LGSN: variants seen among roughly 807,000 people sequenced by gnomAD.
The protein encoded by LGSN is lengsin, lens protein with glutamine synthetase domain.
LGSN carries 21 observed loss-of-function variants against 19.5 expected under a neutral mutation model. That is an observed-to-expected ratio of 1.07 (90% CI 0.76 to 1.55). The LOEUF is 1.55. Ranked by LOEUF, LGSN falls within the 40% of genes most tolerant of loss-of-function variation. The pLI is 0.00. For synonymous variants in LGSN, 257 were observed against 215.6 expected, an observed-to-expected ratio of 1.19 and a Z score of -1.68; for missense variants, 673 against 608.5, an observed-to-expected ratio of 1.11 and a Z score of -1.12.
the LGSN span, among the ~76,000 whole-genome samples, chr6:63,516,585 C>T: frequency 2.8e-4 from 43 of 152,262 alleles, no homozygotes; most frequent in African/African-American, 1.0e-3. Flanking sequence ...CATGAGGGCA[C>T]TCAAACATGG....
the LGSN span, among the ~76,000 whole-genome samples, chr6:63,406,806 G>C: frequency 2.7e-5 from 4 of 149,852 alleles, no homozygotes; most frequent in African/African-American, 1.0e-4. Flanking sequence ...AGAAAAGAGA[G>C]AAGAATCAAA....
At chr6:63,563,830 G>C in the LGSN span, among the ~76,000 whole-genome samples, 1 of 152,170 alleles carries the variant, frequency 6.6e-6, no homozygotes, top group African/African-American at 2.4e-5. Context: ...GGGATTGAGA[G>C]ACTAAGAACC....
At chr6:63,285,537 C>A in intron 3 of LGSN, 50 bp downstream of exon 3, 1 of 1,411,300 alleles carries the variant, frequency 7.1e-7, no homozygotes, top group Non-Finnish European at 9.9e-7. Flanking sequence ...GAACTGTTTG[C>A]TTGCTAATGG....
At chr6:63,407,583 G>C in the LGSN span, among the ~76,000 whole-genome samples, 2 of 152,138 alleles carry the variant, frequency 1.3e-5, no homozygotes, top group Admixed American at 1.3e-4. Flanking sequence ...ATACTGAATG[G>C]GCAAAAACTG....
the LGSN span, among the ~76,000 whole-genome samples, chr6:63,549,745 A>C: frequency 6.6e-6 from 1 of 152,162 alleles, no homozygotes; most frequent in Admixed American, 6.5e-5. Context: ...CATATGTGGA[A>C]GCTAAAAAAA....
At chr6:63,426,943 T>A in the LGSN span, among the ~76,000 whole-genome samples, 3 of 152,198 alleles carry the variant, frequency 2.0e-5, no homozygotes, top group African/African-American at 7.2e-5. Flanking sequence ...ATCCTTGATA[T>A]CTTGGACACA....
At chr6:63,344,764 C>A in the LGSN span, among the ~76,000 whole-genome samples, 1 of 151,748 alleles carries the variant, frequency 6.6e-6, no homozygotes, top group Non-Finnish European at 1.5e-5. Flanking sequence ...GAAAAAAAAA[C>A]CTGTTATTAG....
At chr6:63,502,659 A>G in the LGSN span, among the ~76,000 whole-genome samples, 1 of 152,230 alleles carries the variant, frequency 6.6e-6, no homozygotes, top group Admixed American at 6.5e-5. Context: ...CTCTTCCCAC[A>G]TAAAAGTCAT....
chr6:63,515,658 C>A, the LGSN span, among the ~76,000 whole-genome samples: 3 of 152,136 alleles, frequency 2.0e-5, no homozygotes, highest in Non-Finnish European at 2.9e-5. Context: ...AATTCATATT[C>A]TCATTTTCTC....
chr6:63,407,898 G>T, the LGSN span, among the ~76,000 whole-genome samples: 1 of 152,124 alleles, frequency 6.6e-6, no homozygotes, highest in Admixed American at 6.6e-5. Context: ...GACTAACAGG[G>T]AGCCAAATCA....
At chr6:63,558,249 G>A in the LGSN span, among the ~76,000 whole-genome samples, 1 of 152,138 alleles carries the variant, frequency 6.6e-6, no homozygotes, top group South Asian at 2.1e-4. Context: ...ATACAACTCA[G>A]AAAATATTGT....
chr6:63,334,399 C>G, the LGSN span, among the ~76,000 whole-genome samples: 7 of 152,144 alleles, frequency 4.6e-5, no homozygotes, highest in African/African-American at 1.7e-4. Context: ...TAAATTTAAC[C>G]TATTAGATAG....
chr6:63,559,425 G>A, the LGSN span, among the ~76,000 whole-genome samples: 1 of 151,898 alleles, frequency 6.6e-6, no homozygotes, highest in Non-Finnish European at 1.5e-5. Context: ...TGGCTTAAAC[G>A]CAGCAAAAAA....
chr6:63,429,897 G>C, the LGSN span, among the ~76,000 whole-genome samples: 1 of 152,058 alleles, frequency 6.6e-6, no homozygotes, highest in Non-Finnish European at 1.5e-5. Context: ...CAATATAGTT[G>C]CTGTTCAGGT....
chr6:63,343,152 T>C, the LGSN span, among the ~76,000 whole-genome samples: 1 of 152,246 alleles, frequency 6.6e-6, no homozygotes, highest in Admixed American at 6.5e-5. Context: ...ATGTTAATTA[T>C]GATTTTATAC....
At chr6:63,465,936 A>G in the LGSN span, among the ~76,000 whole-genome samples, 1 of 152,190 alleles carries the variant, frequency 6.6e-6, no homozygotes, top group Non-Finnish European at 1.5e-5. Flanking sequence ...GTCACAAGCT[A>G]GATCATATTG....
At chr6:63,533,128 T>G in the LGSN span, among the ~76,000 whole-genome samples, 1 of 152,334 alleles carries the variant, frequency 6.6e-6, no homozygotes, top group African/African-American at 2.4e-5. Flanking sequence ...ATGCCTATGA[T>G]CCCAGCACTT....
At chr6:63,304,546 A>T (rs1410224357) in intron 1 of LGSN, among the ~76,000 whole-genome samples, 3 of 152,230 alleles carry the variant, frequency 2.0e-5, no homozygotes, top group African/African-American at 7.2e-5. Flanking sequence ...ATTCAGTTAC[A>T]AGAGATTAAT....
the LGSN span, among the ~76,000 whole-genome samples, chr6:63,503,872 C>T: frequency 5.3e-5 from 8 of 152,244 alleles, no homozygotes; most frequent in South Asian, 1.0e-3. Context: ...GCCAAGATCA[C>T]CCCACTGCAC....
Sources: gnomAD v4.1 joint callset for allele counts (sites outside exome capture counted in the v4.1 genomes callset) on GRCh38, gnomAD v4.1.1 for gene constraint, MANE v1.5 for transcripts, NCBI Gene and HGNC (gene_info 2026-07-23, HGNC 2026-07-21) for gene names.